The following FAM13B variants were observed in gnomAD, a reference collection of about 807,000 sequenced individuals.
FAM13B encodes family with sequence similarity 13 member B.
FAM13B carries 60 observed loss-of-function variants against 117.3 expected under a neutral mutation model. That is an observed-to-expected ratio of 0.51 (90% CI 0.42 to 0.63). The LOEUF (loss-of-function observed/expected upper bound fraction) is 0.63, where lower values mean the gene tolerates loss of function less well. Ranked by LOEUF, FAM13B falls within the 30% of genes least tolerant of loss-of-function variation. The pLI is 0.00. For synonymous variants in FAM13B, 332 were observed against 356.1 expected (o/e 0.93, Z 0.76); for missense variants, 972 against 1,091.9 (o/e 0.89, Z 1.55).
At position 137,953,352 on chromosome 5, in the gene FAM13B, C is replaced by G. The variant is rs768521898; in HGVS notation, c.1832G>C (p.Arg611Thr). Residue 611 changes from arginine to threonine, a missense_variant, in exon 16 of 24, where the codon AGG becomes ACG. Arg to Thr is a moderately conservative substitution (Grantham distance 71, BLOSUM62 -1). Coordinates refer to ENST00000689681, the MANE Select transcript of FAM13B (RefSeq NM_001385994.1). ...CAAACCTACCTTGCTATTTCTTTCC[C>G]TTTCAAACTGTTCCTCAAATTGTCT... ...KIRQFEEQFE[R>T]ERNSKPSYSD... 1.2e-6 allele frequency: 2 copies of G among 1,613,842 alleles called. No homozygotes were observed. The highest frequency in any genetic ancestry group is 2.7e-5 in the African/African-American group (2 of 74,930).
intron 10 of FAM13B, among the ~76,000 whole-genome samples, chr5:137,981,078 T>C (rs995761594): frequency 3.2e-4 from 2 of 6,290 alleles, no homozygotes; most frequent in Non-Finnish European, 9.0e-4. Flanking sequence ...CACCTGGCTA[T>C]TTTTTTTTTT....
chr5:137,947,512 T>C (rs901324979), intron 18 of FAM13B, among the ~76,000 whole-genome samples: 1 of 152,134 alleles, frequency 6.6e-6, no homozygotes, highest in Admixed American at 6.5e-5. Context: ...ATTAAGGCCA[T>C]GAGTTTGAGC....
intron 1 of FAM13B, among the ~76,000 whole-genome samples, chr5:138,032,234 C>G (rs1403581545): frequency 3.3e-5 from 5 of 152,184 alleles, no homozygotes; most frequent in Non-Finnish European, 7.4e-5. Context: ...CTATGCAGAG[C>G]GCATTCTAGA....
upstream of FAM13B, chr5:138,052,096 C>G (rs17171731): frequency 0.14 from 21,266 of 151,972 alleles, 1,664 homozygotes; most frequent in Non-Finnish European, 0.18. Flanking sequence ...TGGACCCATT[C>G]CATCCAGTAT....
Position 137,948,448 on chromosome 5 carries a change from C to T in FAM13B, c.2160+507G>A, listed in dbSNP as rs556046570. Among the ~76,000 whole-genome samples, 19 of 152,142 alleles carry T rather than the reference C, an allele frequency of 1.2e-4. No individual in the cohort carries two copies. In the South Asian group the frequency reaches 3.3e-3, roughly 27 times the overall value. On this transcript the variant is annotated intron_variant, in intron 18 of 23. Transcript: ENST00000689681. ...TTACTTATTTTCTCACTCTGTCATC[C>T]AGGCTGGAGGCACAGCTCACTGCAG... is the stretch of plus-strand genomic sequence containing the variant.
At chr5:138,047,273 G>T (rs955168975) in intron 1 of FAM13B, among the ~76,000 whole-genome samples, 1 of 151,440 alleles carries the variant, frequency 6.6e-6, no homozygotes, top group African/African-American at 2.4e-5. Context: ...TTGGGAGGCC[G>T]AGGCGGGTGG....
rs766873343 is a variant in FAM13B at position 137,946,222 on chromosome 5, T to C, written c.2244+6A>G. On this transcript the variant is annotated splice_donor_region_variant and intron_variant, in intron 19 of 23. Transcript: ENST00000689681. ...AATCAAATCTTTTTAGCAAGAGAGA[T>C]ATTACCGGCCTTCCATGTTGACTTT... 3 of 1,576,112 alleles carry C rather than the reference T, an allele frequency of 1.9e-6. No individual in the cohort carries two copies. The highest frequency in any genetic ancestry group is 2.8e-5 in the African/African-American group (2 of 72,724).
intron 10 of FAM13B, among the ~76,000 whole-genome samples, chr5:137,978,806 A>C (rs1307317284): frequency 6.6e-6 from 1 of 152,154 alleles, no homozygotes; most frequent in East Asian, 1.9e-4. Context: ...CTCACAGACA[A>C]AATGAGCCTC....
intron 1 of FAM13B, among the ~76,000 whole-genome samples, chr5:138,040,733 A>G (rs774221808): frequency 4.6e-5 from 7 of 152,032 alleles, no homozygotes; most frequent in Non-Finnish European, 7.4e-5. Context: ...AAAATTTAGT[A>G]CCCAGAGAGA....
chr5:137,996,838 C>A (rs990760340), intron 7 of FAM13B, among the ~76,000 whole-genome samples: 1 of 152,156 alleles, frequency 6.6e-6, no homozygotes, highest in Admixed American at 6.5e-5. Context: ...TCGTGATCCA[C>A]CCTCCTTGGC....
At chr5:137,972,034 CAA>C (rs1392237874) in intron 10 of FAM13B, among the ~76,000 whole-genome samples, 1 of 149,140 alleles carries the variant, frequency 6.7e-6, no homozygotes, top group Non-Finnish European at 1.5e-5. Context: ...ACCAGAGGTA[CAA>C]GGAGGAACTG....
chr5:138,042,366 A>G (rs999660106), intron 1 of FAM13B, among the ~76,000 whole-genome samples: 1 of 152,212 alleles, frequency 6.6e-6, no homozygotes, highest in Non-Finnish European at 1.5e-5. Flanking sequence ...GAAGAAATCA[A>G]TAATAAGGAG....
chr5:137,966,484 T>TAG (rs1203408763), intron 10 of FAM13B, among the ~76,000 whole-genome samples: 206 of 50,548 alleles, frequency 4.1e-3, no homozygotes, highest in Admixed American at 6.7e-3. Context: ...TATATATATA[T>TAG]ATATAGAGAG....
chr5:137,999,602 C>T (rs1391350781), intron 7 of FAM13B, among the ~76,000 whole-genome samples: 1 of 152,100 alleles, frequency 6.6e-6, no homozygotes, highest in Non-Finnish European at 1.5e-5. Context: ...TCCAAAGCAA[C>T]TTCCATATTT....
At chr5:138,029,091 C>T (rs781374614) in intron 1 of FAM13B, among the ~76,000 whole-genome samples, 84 of 152,188 alleles carry the variant, frequency 5.5e-4, no homozygotes, top group Non-Finnish European at 1.1e-3. Flanking sequence ...AACCCCAATA[C>T]TGAAACTGAT....
intron 10 of FAM13B, among the ~76,000 whole-genome samples, chr5:137,982,410 C>T (rs1464073573): frequency 2.6e-5 from 4 of 152,124 alleles, no homozygotes; most frequent in East Asian, 1.9e-4. Context: ...AAAAATTAGC[C>T]GGGCATGGTG....
intron 12 of FAM13B, 143 bp from the exon 13 acceptor site, chr5:137,959,906 C>T: frequency 1.3e-6 from 1 of 774,614 alleles, no homozygotes; most frequent in East Asian, 2.7e-5. Flanking sequence ...ACTGTGCAAA[C>T]TATTTTCAAA....
At chr5:138,013,392 TCAGGAGACTGAGG>T (rs1784523174) in intron 4 of FAM13B, among the ~76,000 whole-genome samples, 2 of 150,988 alleles carry the variant, frequency 1.3e-5, no homozygotes, top group Non-Finnish European at 2.9e-5. Flanking sequence ...TCCCAGCTAC[TCAGGAGACTGAGG>T]CAGGAGAATG....
chr5:137,945,173 T>G (rs189445354), intron 20 of FAM13B, among the ~76,000 whole-genome samples: 3 of 152,226 alleles, frequency 2.0e-5, no homozygotes, highest in African/African-American at 7.2e-5. Context: ...AGTAGCTGTC[T>G]ACATAAAAAT....
Sources: allele counts gnomAD v4.1 joint callset (sites outside exome capture counted in the v4.1 genomes callset), GRCh38; gene constraint gnomAD v4.1.1; transcripts MANE v1.5; gene names NCBI Gene and HGNC (gene_info 2026-07-23, HGNC 2026-07-21).